The following FAF1 variants were observed in gnomAD, a reference collection of about 807,000 sequenced individuals.
The protein encoded by FAF1 is FAS-associated factor 1.
A neutral mutation model predicts 92.5 loss-of-function variants in FAF1; 25 were observed. The ratio of observed to expected loss-of-function variants is 0.27; its 90% CI spans 0.20 to 0.38. The LOEUF is 0.38. Ranked by LOEUF, FAF1 falls within the 10% of genes least tolerant of loss-of-function variation. FAF1 has a pLI of 1.00. For missense variants in FAF1, 636 were observed against 793.3 expected, an observed-to-expected ratio of 0.80 and a Z score of 2.38; for synonymous variants, 234 against 273.2, an observed-to-expected ratio of 0.86 and a Z score of 1.42.
At chr1:50,721,301 G>A (rs1045942833) in intron 6 of FAF1, among the ~76,000 whole-genome samples, 3 of 151,796 alleles carry the variant, frequency 2.0e-5, no homozygotes, top group Admixed American at 6.6e-5. Context: ...TGCAACCTCC[G>A]CCTCCCAGGT....
Position 50,441,204 on chromosome 1 carries a change from T to A in FAF1, c.*236A>T, listed in dbSNP as rs1158120694. On this transcript the variant is annotated 3_prime_UTR_variant, in exon 19 of 19. Transcript: ENST00000396153. ...TTGAAGGAGGGTGAAGTGCAGGGGG[T>A]AGGGGAGGGTGGCAGAGTTGTAATT... 4.8e-6 allele frequency: 2 copies of A among 414,708 alleles called. No individual in the cohort carries two copies. The highest frequency in any genetic ancestry group is 8.6e-6 in the Non-Finnish European group (2 of 232,506). 25.7% of individuals were successfully genotyped at this position (414,708 alleles called of 1,614,324 possible).
At chr1:50,794,788 T>A (rs1661685274) in intron 3 of FAF1, among the ~76,000 whole-genome samples, 1 of 129,088 alleles carries the variant, frequency 7.7e-6, no homozygotes. Context: ...CTCACCCAGC[T>A]ATTTTTTTTT....
At chr1:50,513,396 AG>A (rs1208122441) in intron 15 of FAF1, among the ~76,000 whole-genome samples, 1 of 152,200 alleles carries the variant, frequency 6.6e-6, no homozygotes. Context: ...AGGCTAAGGC[AG>A]GAGAATTGTT....
At chr1:50,739,158 T>C (rs1199471576) in intron 5 of FAF1, among the ~76,000 whole-genome samples, 1 of 151,966 alleles carries the variant, frequency 6.6e-6, no homozygotes, top group Non-Finnish European at 1.5e-5. Flanking sequence ...AGGGGAAATA[T>C]GGTTGTATAC....
At chr1:50,510,719 C>A (rs551707869) in intron 15 of FAF1, among the ~76,000 whole-genome samples, 75 of 152,242 alleles carry the variant, frequency 4.9e-4, no homozygotes, top group Non-Finnish European at 9.4e-4. Context: ...ATTTTTCTCA[C>A]AATGATTACT....
At chr1:50,752,194 C>T (rs1238155343) in intron 4 of FAF1, among the ~76,000 whole-genome samples, 1 of 152,154 alleles carries the variant, frequency 6.6e-6, no homozygotes, top group Non-Finnish European at 1.5e-5. Flanking sequence ...TGGTCTCGAA[C>T]TCCTGACCTC....
chr1:50,787,230 AGT>A (rs1337341700), intron 4 of FAF1, among the ~76,000 whole-genome samples: 1 of 152,190 alleles, frequency 6.6e-6, no homozygotes, highest in Non-Finnish European at 1.5e-5. Flanking sequence ...CAGAGAGAAA[AGT>A]GATGGAAACA....
intron 1 of FAF1, among the ~76,000 whole-genome samples, chr1:50,897,386 T>C (rs995443846): frequency 6.6e-5 from 10 of 152,344 alleles, no homozygotes; most frequent in African/African-American, 2.4e-4. Flanking sequence ...AAGACACATC[T>C]ATATTCCTTT....
At chr1:50,769,476 G>A (rs990780660) in intron 4 of FAF1, among the ~76,000 whole-genome samples, 1 of 152,018 alleles carries the variant, frequency 6.6e-6, no homozygotes, top group Non-Finnish European at 1.5e-5. Flanking sequence ...CCAAAACCTG[G>A]CAGAGACACA....
At chr1:50,815,351 G>A (rs1643958261) in intron 2 of FAF1, among the ~76,000 whole-genome samples, 1 of 152,098 alleles carries the variant, frequency 6.6e-6, no homozygotes, top group African/African-American at 2.4e-5. Flanking sequence ...ATTCGCTTAG[G>A]ATTATGGCCT....
chr1:50,492,447 GA>G (rs1271254088), intron 15 of FAF1, among the ~76,000 whole-genome samples: 1 of 152,118 alleles, frequency 6.6e-6, no homozygotes, highest in Non-Finnish European at 1.5e-5. Flanking sequence ...AAATCTCTTA[GA>G]ATATTTTTAG....
At chr1:50,730,646 G>A (rs1658875198) in intron 6 of FAF1, among the ~76,000 whole-genome samples, 1 of 152,164 alleles carries the variant, frequency 6.6e-6, no homozygotes, top group African/African-American at 2.4e-5. Context: ...GCCAGAAGCA[G>A]GGCTCCGCTA....
chr1:50,780,917 G>A, intron 4 of FAF1: 1 of 489,876 alleles, frequency 2.0e-6, no homozygotes, highest in Non-Finnish European at 4.1e-6. Context: ...GAAGCAGACA[G>A]GGCCAGAATT....
intron 4 of FAF1, among the ~76,000 whole-genome samples, chr1:50,753,747 A>C (rs1569887263): frequency 6.8e-6 from 1 of 146,046 alleles, no homozygotes; most frequent in African/African-American, 2.5e-5. Flanking sequence ...CTCTAATGTC[A>C]TTATCTGTTC....
At chr1:50,746,805 G>A (rs977112272) in intron 4 of FAF1, among the ~76,000 whole-genome samples, 3 of 152,184 alleles carry the variant, frequency 2.0e-5, no homozygotes, top group African/African-American at 7.2e-5. Flanking sequence ...CTTCACAGCA[G>A]CCCCTGCCAT....
intron 4 of FAF1, among the ~76,000 whole-genome samples, chr1:50,767,251 T>A (rs1553137416): frequency 6.6e-6 from 1 of 151,726 alleles, no homozygotes; most frequent in Non-Finnish European, 1.5e-5. Flanking sequence ...CCAAAATAAC[T>A]CAGACTAAAA....
intron 1 of FAF1, among the ~76,000 whole-genome samples, chr1:50,934,549 C>A (rs774454734): frequency 1.3e-5 from 2 of 151,892 alleles, no homozygotes; most frequent in South Asian, 2.1e-4. Context: ...AAAGTGAGAC[C>A]CCGTCTCTAC....
At chr1:50,842,553 C>T (rs1644264445) in intron 2 of FAF1, among the ~76,000 whole-genome samples, 1 of 152,194 alleles carries the variant, frequency 6.6e-6, no homozygotes, top group South Asian at 2.1e-4. Flanking sequence ...AGACCCCTAC[C>T]TCTGCTTGGT....
intron 18 of FAF1, among the ~76,000 whole-genome samples, chr1:50,457,706 G>A (rs1443096764): frequency 8.3e-6 from 1 of 120,698 alleles, no homozygotes; most frequent in East Asian, 2.4e-4. Context: ...TGGGCAATTC[G>A]GTGAAACCCC....
Sources: gnomAD v4.1 joint callset for allele counts (sites outside exome capture counted in the v4.1 genomes callset) on GRCh38, gnomAD v4.1.1 for gene constraint, MANE v1.5 for transcripts, NCBI Gene and HGNC (gene_info 2026-07-23, HGNC 2026-07-21) for gene names.